Variants in ZNF254 observed in about 807,000 individuals in gnomAD.
The protein encoded by ZNF254 is CTD-2017D11.1.
In ZNF254, 10 loss-of-function variants were observed where a neutral mutation model predicts 12.4. That is an observed-to-expected ratio of 0.80 (90% confidence interval 0.50 to 1.36). The LOEUF is 1.36. ZNF254 is among the 40% of genes most tolerant of loss of function. ZNF254 has a pLI of 0.00. For synonymous variants in ZNF254, 305 were observed against 253.4 expected, an observed-to-expected ratio of 1.20 and a Z score of -1.93; for missense variants, 996 against 763.9, an observed-to-expected ratio of 1.30 and a Z score of -3.58.
intron 3 of ZNF254, 137 bp from the exon 4 acceptor site, chr19:24,126,117 A>G (rs1468219225): frequency 7.8e-6 from 4 of 515,824 alleles, no homozygotes; most frequent in African/African-American, 2.0e-5. Flanking sequence ...TATGTCTATG[A>G]AAGAATTAGA....
chr19:24,082,665 A>C (rs903630424), upstream of ZNF254, among the ~76,000 whole-genome samples: 5 of 145,518 alleles, frequency 3.4e-5, no homozygotes, highest in African/African-American at 1.0e-4. Flanking sequence ...AACAAAAAAA[A>C]AAAACCCAAA....
intron 3 of ZNF254, among the ~76,000 whole-genome samples, chr19:24,114,310 G>A (rs1184084853): frequency 6.8e-6 from 1 of 146,568 alleles, no homozygotes; most frequent in Admixed American, 6.9e-5. Flanking sequence ...AAACAGCATG[G>A]TACTGGTACG....
At chr19:24,033,677 G>T (rs957544240) in intron 1 of ZNF254, 3 of 313,044 alleles carry the variant, frequency 9.6e-6, no homozygotes, top group Non-Finnish European at 1.9e-5. Flanking sequence ...GAAACCGGCG[G>T]GACTGCCTTC....
At chr19:24,050,720 T>C (rs2145305735) in intron 2 of ZNF254, among the ~76,000 whole-genome samples, 1 of 152,348 alleles carries the variant, frequency 6.6e-6, no homozygotes, top group African/African-American at 2.4e-5. Flanking sequence ...TTGTGACATA[T>C]TGCTTGGCCA....
chr19:24,041,375 G>C (rs1049133792), intron 1 of ZNF254, among the ~76,000 whole-genome samples: 2 of 152,372 alleles, frequency 1.3e-5, no homozygotes, highest in South Asian at 4.1e-4. Context: ...GGAGTTCCGG[G>C]TGGGCGTGGG....
intron 2 of ZNF254, among the ~76,000 whole-genome samples, chr19:24,061,926 A>G (rs1971084931): frequency 6.6e-6 from 1 of 152,064 alleles, no homozygotes; most frequent in African/African-American, 2.4e-5. Context: ...TCTACTAAAA[A>G]TACAAAAAAT....
upstream of ZNF254, among the ~76,000 whole-genome samples, chr19:24,085,505 T>C (rs1972006398): frequency 6.9e-6 from 1 of 144,146 alleles, no homozygotes; most frequent in African/African-American, 2.6e-5. Flanking sequence ...GGGTCACGTC[T>C]GTAATCCCAA....
chr19:24,103,626 G>A lies in ZNF254; in HGVS notation c.31-2314G>A, dbSNP rs572539489. 3.9e-5 allele frequency: 6 copies of A among 152,264 alleles called. No homozygotes were observed. The East Asian group carries it at 7.7e-4, about 20-fold the overall frequency. 9.4% of individuals were successfully genotyped at this position (152,264 alleles called of 1,614,324 possible). ...GAGGAGTTCAAGATACATTCATTGA[G>A]TTAAGTTCCACTTTTGCACTAAAGA... is the stretch of plus-strand genomic sequence containing the variant. On this transcript the variant is annotated intron_variant, in intron 1 of 3. Transcript: ENST00000357002.
At chr19:24,122,702 CTGAG>C (rs768799273) in intron 3 of ZNF254, among the ~76,000 whole-genome samples, 7 of 149,184 alleles carry the variant, frequency 4.7e-5, no homozygotes, top group African/African-American at 7.4e-5. Flanking sequence ...TTTTTGAAGA[CTGAG>C]TGATATTTCA....
At chr19:24,057,617 A>G (rs896486502) in intron 2 of ZNF254, among the ~76,000 whole-genome samples, 1 of 152,226 alleles carries the variant, frequency 6.6e-6, no homozygotes, top group Non-Finnish European at 1.5e-5. Context: ...CTCTTTTCAC[A>G]TGAATACAAT....
chr19:24,061,571 A>G (rs1971067383), intron 2 of ZNF254, among the ~76,000 whole-genome samples: 1 of 152,198 alleles, frequency 6.6e-6, no homozygotes, highest in Admixed American at 6.5e-5. Flanking sequence ...TTGAAAACCC[A>G]GATGATGTGA....
At chr19:24,038,507 T>TC (rs1323932159) in intron 1 of ZNF254, among the ~76,000 whole-genome samples, 1 of 152,142 alleles carries the variant, frequency 6.6e-6, no homozygotes, top group East Asian at 1.9e-4. Flanking sequence ...AATTTTTTTT[T>TC]CTCTTCTCCA....
At chr19:24,049,215 T>TATATATATA (rs1491192531) in intron 2 of ZNF254, among the ~76,000 whole-genome samples, 11 of 26,618 alleles carry the variant, frequency 4.1e-4, no homozygotes, top group East Asian at 2.7e-3. Context: ...TATATATATA[T>TATATATATA]TTTTTTTTTT....
At chr19:24,095,816 T>G (rs1002246654) in intron 1 of ZNF254, among the ~76,000 whole-genome samples, 4 of 152,056 alleles carry the variant, frequency 2.6e-5, no homozygotes, top group Non-Finnish European at 5.9e-5. Context: ...AATTCCTGGA[T>G]TTTTTGATAT....
At chr19:24,049,214 A>ATTTTTT (rs66491625) in intron 2 of ZNF254, among the ~76,000 whole-genome samples, 27 of 40,862 alleles carry the variant, frequency 6.6e-4, no homozygotes, top group Admixed American at 1.1e-3. Context: ...ATATATATAT[A>ATTTTTT]TTTTTTTTTT....
Position 24,129,586 on chromosome 19 carries a change from A to G in ZNF254, c.*1606A>G, listed in dbSNP as rs1032486214. 12 of 152,110 alleles carry G rather than the reference A, an allele frequency of 7.9e-5. No homozygotes were observed. Among genetic ancestry groups the G allele is most frequent in the African/African-American group, 1.9e-4 (8 of 41,550 alleles). 9.4% of individuals were successfully genotyped at this position (152,110 alleles called of 1,614,324 possible). ...TTTTCTTAATTTTTGTGGATACATA[A>G]TATGTGTATATATGTATGCCATATA... On this transcript the variant is annotated 3_prime_UTR_variant, in exon 4 of 4. Transcript: ENST00000357002.
intron 3 of ZNF254, among the ~76,000 whole-genome samples, chr19:24,116,599 A>G (rs1974094247): frequency 7.1e-6 from 1 of 140,022 alleles, no homozygotes; most frequent in African/African-American, 3.0e-5. Flanking sequence ...ACATTTGTCT[A>G]AATTTTTTTC....
chr19:24,081,142 T>C (rs1478997025), intron 2 of ZNF254, among the ~76,000 whole-genome samples: 17 of 152,202 alleles, frequency 1.1e-4, no homozygotes, highest in African/African-American at 3.9e-4. Context: ...CCCATTATAA[T>C]GGGTCTGTTT....
chr19:24,113,049 A>G (rs918602283), intron 3 of ZNF254, among the ~76,000 whole-genome samples: 1 of 152,228 alleles, frequency 6.6e-6, no homozygotes, highest in Non-Finnish European at 1.5e-5. Context: ...AGAGCTTACC[A>G]ATGAAAAAGA....
Sources: allele counts gnomAD v4.1 joint callset (sites outside exome capture counted in the v4.1 genomes callset), GRCh38; gene constraint gnomAD v4.1.1; transcripts MANE v1.5; gene names NCBI Gene and HGNC (gene_info 2026-07-23, HGNC 2026-07-21).